MAGI3: variants seen among roughly 807,000 people sequenced by gnomAD.
MAGI3 encodes membrane-associated guanylate kinase, WW and PDZ domain-containing protein 3.
In MAGI3, 43 loss-of-function variants were observed where a neutral mutation model predicts 121.8. The ratio of observed to expected loss-of-function variants is 0.35; its 90% CI spans 0.28 to 0.46. The LOEUF (loss-of-function observed/expected upper bound fraction) is 0.46, where lower values mean the gene tolerates loss of function less well. Among genes scored for constraint, MAGI3 ranks in the 20% least tolerant of loss-of-function variants. The pLI is 1.00. For missense variants in MAGI3, 1,547 were observed against 1,797.3 expected (o/e 0.86, Z 2.52); for synonymous variants, 553 against 639.3 (o/e 0.86, Z 2.04).
chr1:113,649,779 A>T (rs7527562), intron 13 of MAGI3, among the ~76,000 whole-genome samples: 3,261 of 152,290 alleles, frequency 0.021, 116 homozygotes, highest in African/African-American at 0.074. Flanking sequence ...TGGCATTTTC[A>T]TGCTCAGTAC....
chr1:113,477,692 A>G (rs1655899729), intron 1 of MAGI3, among the ~76,000 whole-genome samples: 1 of 151,972 alleles, frequency 6.6e-6, no homozygotes, highest in South Asian at 2.1e-4. Context: ...GATGCATCTG[A>G]CAATTATGTG....
chr1:113,591,244 G>A (rs915998393), intron 5 of MAGI3, among the ~76,000 whole-genome samples: 9 of 152,018 alleles, frequency 5.9e-5, no homozygotes, highest in African/African-American at 1.9e-4. Flanking sequence ...ACCTAAAATT[G>A]TATGTTGTTT....
intron 1 of MAGI3, among the ~76,000 whole-genome samples, chr1:113,544,201 C>T (rs1659425208): frequency 6.6e-6 from 1 of 152,158 alleles, no homozygotes; most frequent in Non-Finnish European, 1.5e-5. Flanking sequence ...GCTAATCTTA[C>T]CACTTTCATG....
intron 1 of MAGI3, among the ~76,000 whole-genome samples, chr1:113,437,675 C>T (rs1653637040): frequency 6.6e-6 from 1 of 151,630 alleles, no homozygotes; most frequent in South Asian, 2.1e-4. Flanking sequence ...AGAATTAATG[C>T]TCCTCCTCCT....
chr1:113,583,026 A>G (rs1033315851), intron 3 of MAGI3, among the ~76,000 whole-genome samples: 1 of 151,742 alleles, frequency 6.6e-6, no homozygotes, highest in Non-Finnish European at 1.5e-5. Flanking sequence ...AACAATGAAA[A>G]TCTTTGTCAG....
At chr1:113,479,022 G>A (rs1557778812) in intron 1 of MAGI3, among the ~76,000 whole-genome samples, 2 of 152,168 alleles carry the variant, frequency 1.3e-5, no homozygotes, top group Non-Finnish European at 2.9e-5. Context: ...TGCTAGCAGT[G>A]AGCAAGGCTC....
intron 12 of MAGI3, among the ~76,000 whole-genome samples, chr1:113,646,992 G>A (rs962336520): frequency 1.3e-5 from 2 of 152,128 alleles, no homozygotes; most frequent in Non-Finnish European, 1.5e-5. Flanking sequence ...AGCCTAACAG[G>A]TACAGTGATA....
intron 6 of MAGI3, among the ~76,000 whole-genome samples, chr1:113,608,465 C>T (rs1649924762): frequency 6.6e-6 from 1 of 152,160 alleles, no homozygotes; most frequent in African/African-American, 2.4e-5. Flanking sequence ...GTTAGCCCTG[C>T]ATGTACATGG....
chr1:113,425,428 G>A (rs1652956842), intron 1 of MAGI3, among the ~76,000 whole-genome samples: 1 of 150,624 alleles, frequency 6.6e-6, no homozygotes, highest in Non-Finnish European at 1.5e-5. Flanking sequence ...GACTACAGGC[G>A]CCCGCCACCA....
chr1:113,630,309 G>T (rs1651545921), intron 9 of MAGI3, among the ~76,000 whole-genome samples: 1 of 152,118 alleles, frequency 6.6e-6, no homozygotes, highest in Non-Finnish European at 1.5e-5. Flanking sequence ...TCTTCAGTCA[G>T]CTTGTGATGA....
intron 1 of MAGI3, among the ~76,000 whole-genome samples, chr1:113,476,497 A>G (rs1371656642): frequency 2.6e-5 from 4 of 152,168 alleles, no homozygotes; most frequent in African/African-American, 9.7e-5. Flanking sequence ...GTCATTCAGG[A>G]GCAAGTTGTT....
intron 1 of MAGI3, among the ~76,000 whole-genome samples, chr1:113,397,973 A>T (rs1344252019): frequency 3.9e-5 from 6 of 152,318 alleles, no homozygotes. Context: ...CTTTTGTTAC[A>T]GCCACAGCCG....
At chr1:113,682,128 T>C (rs1335384399) in intron 20 of MAGI3, 2 of 1,457,346 alleles carry the variant, frequency 1.4e-6, no homozygotes, top group Non-Finnish European at 1.9e-6. Flanking sequence ...GTAAATCATA[T>C]GTTCCCAGTG....
intron 11 of MAGI3, among the ~76,000 whole-genome samples, chr1:113,645,207 A>G (rs1053995453): frequency 6.6e-6 from 1 of 152,050 alleles, no homozygotes; most frequent in East Asian, 1.9e-4. Flanking sequence ...TATTTTTGGT[A>G]GAGATGGAGT....
At chr1:113,618,698 G>A in intron 7 of MAGI3, 1 of 290,572 alleles carries the variant, frequency 3.4e-6, no homozygotes, top group Non-Finnish European at 6.7e-6. Context: ...TAGAGATGGG[G>A]TTTCACCATG....
At chr1:113,539,121 G>A (rs373535352) in intron 1 of MAGI3, among the ~76,000 whole-genome samples, 2 of 152,146 alleles carry the variant, frequency 1.3e-5, no homozygotes, top group Admixed American at 6.6e-5. Context: ...AAGGCCGGAT[G>A]TGGTGGCTCA....
intron 3 of MAGI3, among the ~76,000 whole-genome samples, chr1:113,582,380 C>G (rs1259581765): frequency 6.6e-6 from 1 of 151,988 alleles, no homozygotes; most frequent in Non-Finnish European, 1.5e-5. Context: ...AAACAACTCT[C>G]CTTTAGTAGA....
At chr1:113,435,030 A>G (rs1332773231) in intron 1 of MAGI3, among the ~76,000 whole-genome samples, 2 of 152,242 alleles carry the variant, frequency 1.3e-5, no homozygotes, top group African/African-American at 2.4e-5. Flanking sequence ...TGCAATATGT[A>G]TGTTTTACAT....
At chr1:113,623,588 C>T (rs960784865) in intron 9 of MAGI3, among the ~76,000 whole-genome samples, 7 of 151,598 alleles carry the variant, frequency 4.6e-5, no homozygotes, top group African/African-American at 7.3e-5. Flanking sequence ...CCCGGGTTCA[C>T]GCCATTCTCC....
Sources: gnomAD v4.1 joint callset for allele counts (sites outside exome capture counted in the v4.1 genomes callset) on GRCh38, gnomAD v4.1.1 for gene constraint, MANE v1.5 for transcripts, NCBI Gene and HGNC (gene_info 2026-07-23, HGNC 2026-07-21) for gene names.